ZBTB37: variants seen among roughly 807,000 people sequenced by gnomAD.
ZBTB37 encodes zinc finger and BTB domain containing 37, also known as zinc finger and BTB domain-containing protein 37.
ZBTB37 carries 15 observed loss-of-function variants against 37.7 expected under a neutral mutation model. That is an observed-to-expected ratio of 0.40 (90% confidence interval 0.27 to 0.61). The LOEUF is 0.61. Among genes scored for constraint, ZBTB37 ranks in the 20% least tolerant of loss-of-function variants. The pLI is 0.44. For missense variants in ZBTB37, 514 were observed against 641.9 expected, an observed-to-expected ratio of 0.80 and a Z score of 2.15; for synonymous variants, 231 against 220.6, an observed-to-expected ratio of 1.05 and a Z score of -0.42.
exon 4 of ZBTB37, chr1:173,896,845 C>T (rs1266238399): frequency 2.6e-5 from 4 of 152,132 alleles, no homozygotes; most frequent in South Asian, 2.1e-4. Context: ...GTGCAGGGAA[C>T]AAAGCTTAAA....
chr1:173,873,006 CAA>C (rs202221478), intron 3 of ZBTB37, among the ~76,000 whole-genome samples: 18 of 121,814 alleles, frequency 1.5e-4, no homozygotes, highest in Non-Finnish European at 1.6e-4. Flanking sequence ...GACTCTGTCT[CAA>C]AAAAAAAAAA....
exon 4 of ZBTB37, chr1:173,894,534 C>G (rs1656970039): frequency 6.6e-6 from 1 of 152,180 alleles, no homozygotes; most frequent in African/African-American, 2.4e-5. Context: ...TTCTCTTCAT[C>G]AAGGTAGTCA....
At chr1:173,879,433 T>C in intron 4 of ZBTB37, among the ~76,000 whole-genome samples, 1 of 151,776 alleles carries the variant, frequency 6.6e-6, no homozygotes, top group Admixed American at 6.6e-5. Flanking sequence ...GGGAGAAGGG[T>C]AGGAGACAAA....
downstream of ZBTB37, chr1:173,887,717 T>C (rs1572072720): frequency 1.3e-5 from 2 of 152,176 alleles, no homozygotes; most frequent in East Asian, 3.9e-4. Context: ...TTGGGGTTCT[T>C]TTAAGTATGT....
intron 4 of ZBTB37, among the ~76,000 whole-genome samples, chr1:173,882,288 C>CTGGAA (rs1245938654): frequency 4.0e-5 from 5 of 126,136 alleles, no homozygotes; most frequent in African/African-American, 1.6e-4. Context: ...GTCGTCCAGG[C>CTGGAA]TGGAGTGCAG....
exon 3 of ZBTB37, chr1:173,870,452 A>G: frequency 6.2e-7 from 1 of 1,614,092 alleles, no homozygotes; most frequent in South Asian, 1.1e-5. Context: ...GTCATCAAGA[A>G]CCCTACTGTT....
chr1:173,871,287 G>A (rs1655544461), intron 3 of ZBTB37, 139 bp downstream of exon 3: 1 of 827,996 alleles, frequency 1.2e-6, no homozygotes, highest in South Asian at 1.9e-5. Context: ...AACTGGAGGT[G>A]TGCCAAAAGA....
At chr1:173,890,137 T>C (rs1486515505), downstream of ZBTB37, 1 of 152,238 alleles carries the variant, frequency 6.6e-6, no homozygotes, top group Non-Finnish European at 1.5e-5. Flanking sequence ...GAGCTGGGAC[T>C]ACAGGCGTGT....
At chr1:173,896,697 G>A (rs1020997183) in exon 4 of ZBTB37, 2 of 152,138 alleles carry the variant, frequency 1.3e-5, no homozygotes, top group Non-Finnish European at 2.9e-5. Context: ...ATTCCTTAAG[G>A]TTTAGATTTC....
intron 4 of ZBTB37, among the ~76,000 whole-genome samples, chr1:173,877,882 G>T (rs57022387): frequency 0.16 from 24,743 of 152,152 alleles, 2,593 homozygotes; most frequent in East Asian, 0.31. Context: ...GATTATGGGG[G>T]TGATTAAACT....
At chr1:173,896,401 G>A (rs1465160902) in exon 4 of ZBTB37, 3 of 152,286 alleles carry the variant, frequency 2.0e-5, no homozygotes, top group Admixed American at 1.3e-4. Flanking sequence ...CCCAGGGAAT[G>A]AAAAATCTTA....
chr1:173,895,158 C>A (rs555971228), exon 4 of ZBTB37: 293 of 152,608 alleles, frequency 1.9e-3, no homozygotes, highest in Non-Finnish European at 3.0e-3. Flanking sequence ...GGCTGGAGTG[C>A]AGTGGTGCAA....
exon 4 of ZBTB37, chr1:173,896,983 T>G (rs568793186): frequency 6.6e-6 from 1 of 152,334 alleles, no homozygotes. Context: ...TTCTAATATT[T>G]TTACAAAAAT....
chr1:173,873,725 T>A, intron 4 of ZBTB37, 159 bp downstream of exon 4: 1 of 1,267,530 alleles, frequency 7.9e-7, no homozygotes, highest in East Asian at 2.8e-5. Context: ...AAGTTTAATA[T>A]TAAAATTATA....
intron 2 of ZBTB37, among the ~76,000 whole-genome samples, 178 bp from the exon 3 acceptor site, chr1:173,870,022 T>TA (rs1401221895): frequency 6.6e-6 from 1 of 152,234 alleles, no homozygotes; most frequent in African/African-American, 2.4e-5. Flanking sequence ...CTGTGAAACT[T>TA]AAACTGAAAA....
chr1:173,886,135 G>C (rs1557891204), exon 5 of ZBTB37: 2 of 1,546,518 alleles, frequency 1.3e-6, no homozygotes, highest in African/African-American at 2.7e-5. Flanking sequence ...AACATCCAGG[G>C]GGAGGGGGCT....
chr1:173,875,114 TTATG>T (rs1298589356), intron 4 of ZBTB37, among the ~76,000 whole-genome samples: 62 of 93,442 alleles, frequency 6.6e-4, no homozygotes, highest in Middle Eastern at 4.8e-3. Context: ...AGTCTGATTA[TTATG>T]TGTGTGTGTG....
exon 3 of ZBTB37, chr1:173,871,087 A>G (rs1203455364): frequency 6.2e-7 from 1 of 1,613,860 alleles, no homozygotes; most frequent in African/African-American, 1.3e-5. Flanking sequence ...AGGACAGGAA[A>G]ATTATACTTT....
At chr1:173,891,368 T>C (rs542700257), downstream of ZBTB37, 4 of 152,366 alleles carry the variant, frequency 2.6e-5, 1 homozygote, top group African/African-American at 9.6e-5. Flanking sequence ...TTAACTTCTT[T>C]AAACTTACTC....
Sources: gnomAD v4.1 joint callset for allele counts (sites outside exome capture counted in the v4.1 genomes callset) on GRCh38, gnomAD v4.1.1 for gene constraint, MANE v1.5 for transcripts, NCBI Gene and HGNC (gene_info 2026-07-23, HGNC 2026-07-21) for gene names.